Variants in SART3 observed in about 807,000 individuals in gnomAD.
SART3 encodes spliceosome associated factor 3, U4/U6 recycling protein.
SART3 carries 44 observed loss-of-function variants against 122.3 expected under a neutral mutation model. The ratio of observed to expected loss-of-function variants is 0.36; its 90% CI spans 0.28 to 0.46. The LOEUF (loss-of-function observed/expected upper bound fraction) is 0.46, where lower values mean the gene tolerates loss of function less well. SART3 is among the 20% of genes least tolerant of loss of function. SART3 has a pLI of 1.00. For synonymous variants in SART3, 442 were observed against 454.0 expected (o/e 0.97, Z 0.34); for missense variants, 1,101 against 1,229.0 (o/e 0.90, Z 1.56).
chr12:108,532,496 G>A, intron 12 of SART3, 162 bp from the exon 13 acceptor site: 3 of 636,408 alleles, frequency 4.7e-6, no homozygotes, highest in Non-Finnish European at 8.5e-6. Context: ...TCCTTCCAGA[G>A]TCTCTACAGT....
rs776753611 is a variant in SART3 at position 108,523,125 on chromosome 12, G to T, written c.*332C>A. The T allele has an allele frequency of 2.4e-6, 1 of 414,124 alleles. No individual in the cohort carries two copies. Among genetic ancestry groups the T allele is most frequent in the Non-Finnish European group, 4.5e-6 (1 of 223,382 alleles). 25.7% of individuals were successfully genotyped at this position (414,124 alleles called of 1,614,324 possible). A position where few individuals can be genotyped will look rare whatever the true frequency, so the allele number is the denominator to read the frequency against. ...GTCATACAAAAAGGGGCCGGAGCTG[G>T]CCAGAAACATTTGGACAACTGTGTC... On this transcript the variant is annotated 3_prime_UTR_variant, in exon 19 of 19. Coordinates refer to ENST00000546815, the MANE Select transcript of SART3 (RefSeq NM_014706.4).
intron 1 of SART3, among the ~76,000 whole-genome samples, chr12:108,553,020 C>T (rs2136693122): frequency 1.3e-5 from 2 of 152,202 alleles, no homozygotes; most frequent in East Asian, 3.9e-4. Context: ...AACCCAGTAA[C>T]AGACCCACAC....
intron 13 of SART3, 162 bp downstream of exon 13, chr12:108,532,060 G>A: frequency 3.0e-6 from 2 of 656,650 alleles, no homozygotes; most frequent in South Asian, 1.6e-5. Flanking sequence ...AGAGCTGCAG[G>A]AGGACTCATT....
At chr12:108,532,756 C>CTT (rs80035733) in intron 12 of SART3, 63 of 179,600 alleles carry the variant, frequency 3.5e-4, no homozygotes, top group South Asian at 1.2e-3. Context: ...AGAGTCAGAT[C>CTT]TTTTTTTTTT....
rs749111388 is a variant in SART3, at chr12:108,524,556, G to A, written c.2524-50C>T. On this transcript the variant is annotated intron_variant, in intron 17 of 18. Coordinates refer to ENST00000546815, the MANE Select transcript of SART3 (RefSeq NM_014706.4). ...AAGTCAGATCCCGCAGACTAGGGAC[G>A]CAACCTCCTCCTGCAGGGCAGGCAC... 26 of 1,552,690 alleles carry A rather than the reference G, an allele frequency of 1.7e-5. 1 individual carries two copies. The highest frequency in any genetic ancestry group is 5.6e-5 in the South Asian group (5 of 89,888).
chr12:108,536,021 G>A (rs527637665), intron 11 of SART3, among the ~76,000 whole-genome samples: 1 of 152,308 alleles, frequency 6.6e-6, no homozygotes, highest in Non-Finnish European at 1.5e-5. Context: ...TGCTGATCAA[G>A]GGAGGTTCCG....
At chr12:108,539,692 T>G (rs938431427) in intron 6 of SART3, among the ~76,000 whole-genome samples, 1 of 152,154 alleles carries the variant, frequency 6.6e-6, no homozygotes, top group East Asian at 1.9e-4. Flanking sequence ...TGATCGAAGT[T>G]TTGGGAAGCA....
intron 1 of SART3, among the ~76,000 whole-genome samples, chr12:108,549,702 C>A (rs1027185508): frequency 5.3e-5 from 8 of 152,002 alleles, no homozygotes; most frequent in African/African-American, 1.9e-4. Context: ...CACTGTAAGA[C>A]CTCTTTTATT....
At chr12:108,559,573 G>A (rs370624865) in intron 1 of SART3, among the ~76,000 whole-genome samples, 1 of 150,036 alleles carries the variant, frequency 6.7e-6, no homozygotes, top group Non-Finnish European at 1.5e-5. Context: ...GCTGAGGCAG[G>A]AGAATCGCTT....
intron 4 of SART3, chr12:108,544,855 G>T: frequency 1.7e-6 from 1 of 572,864 alleles, no homozygotes; most frequent in Non-Finnish European, 3.1e-6. Flanking sequence ...ATGAGCCACC[G>T]CACTTGGCCA....
At chr12:108,534,567 C>G (rs1258495462) in intron 12 of SART3, among the ~76,000 whole-genome samples, 1 of 151,854 alleles carries the variant, frequency 6.6e-6, no homozygotes, top group Non-Finnish European at 1.5e-5. Flanking sequence ...GTAATCCCAG[C>G]TACTCAAGAG....
chr12:108,531,914 C>G (rs1872695329), intron 13 of SART3: 1 of 375,842 alleles, frequency 2.7e-6, no homozygotes, highest in East Asian at 6.3e-5. Context: ...GGTGGTGAAG[C>G]TGCTACTGGC....
chr12:108,547,182 G>A (rs7299691), intron 3 of SART3, among the ~76,000 whole-genome samples: 120,027 of 152,106 alleles, frequency 0.79, 47,944 homozygotes, highest in East Asian at 0.92. Context: ...CAATTCACAT[G>A]GAGAAAATAT....
intron 1 of SART3, among the ~76,000 whole-genome samples, chr12:108,558,376 G>T (rs1338710079): frequency 6.6e-6 from 1 of 152,186 alleles, no homozygotes; most frequent in Admixed American, 6.5e-5. Context: ...AGGACAAAGA[G>T]GATAAGGCCA....
chr12:108,539,484 T>C (rs1873063599), intron 6 of SART3, among the ~76,000 whole-genome samples: 1 of 152,254 alleles, frequency 6.6e-6, no homozygotes, highest in East Asian at 1.9e-4. Flanking sequence ...TGGAAAATTT[T>C]GGTGCCTGAT....
At chr12:108,560,777 G>A (rs1471365649) in intron 1 of SART3, 66 bp downstream of exon 1, 13 of 1,440,760 alleles carry the variant, frequency 9.0e-6, no homozygotes, top group Admixed American at 2.2e-5. Flanking sequence ...AGGGAGGCGG[G>A]CCAGGACATG....
At chr12:108,548,022 A>T in intron 2 of SART3, 31 bp from the exon 3 acceptor site, 1 of 1,576,996 alleles carries the variant, frequency 6.3e-7, no homozygotes, top group Non-Finnish European at 8.7e-7. Flanking sequence ...CCGCATTAAT[A>T]CCAAAGGGTA....
chr12:108,523,913 G>A, intron 18 of SART3: 1 of 579,514 alleles, frequency 1.7e-6, no homozygotes. Context: ...CCAGTCACCT[G>A]GCAATTCTGC....
At chr12:108,544,064 A>T (rs879323290) in intron 5 of SART3, among the ~76,000 whole-genome samples, 3 of 152,202 alleles carry the variant, frequency 2.0e-5, no homozygotes, top group Admixed American at 2.0e-4. Context: ...GTGAAGAGAA[A>T]ATGATTATAA....
Sources: allele counts gnomAD v4.1 joint callset (sites outside exome capture counted in the v4.1 genomes callset), GRCh38; gene constraint gnomAD v4.1.1; transcripts MANE v1.5; gene names NCBI Gene and HGNC (gene_info 2026-07-23, HGNC 2026-07-21).